TEX9: variants seen among roughly 807,000 people sequenced by gnomAD.
TEX9 encodes testis expressed 9, also known as testis-expressed protein 9.
Under a neutral mutation model 59.6 loss-of-function variants are expected in TEX9, and 74 were observed. The observed-to-expected ratio is 1.24, with a 90% CI of 1.03 to 1.51. The LOEUF (loss-of-function observed/expected upper bound fraction) is 1.51, where lower values mean the gene tolerates loss of function less well. Among genes scored for constraint, TEX9 ranks in the 40% most tolerant of loss-of-function variants. The pLI, the probability that TEX9 is intolerant of heterozygous loss-of-function variation, is 0.00. For synonymous variants in TEX9, 186 were observed against 152.2 expected, an observed-to-expected ratio of 1.22 and a Z score of -1.64; for missense variants, 522 against 447.8, an observed-to-expected ratio of 1.17 and a Z score of -1.49.
At chr15:56,374,893 G>T (rs1458576233) in intron 3 of TEX9, among the ~76,000 whole-genome samples, 1 of 152,044 alleles carries the variant, frequency 6.6e-6, no homozygotes, top group Non-Finnish European at 1.5e-5. Flanking sequence ...TATTTTTTAT[G>T]GCTGAATAGT....
At chr15:56,255,896 A>C (rs907032236) in intron 1 of TEX9, among the ~76,000 whole-genome samples, 1 of 152,080 alleles carries the variant, frequency 6.6e-6, no homozygotes, top group Non-Finnish European at 1.5e-5. Flanking sequence ...TTGTATGAAT[A>C]AACAGTGAAT....
In TEX9 at chr15:56,443,687, A is replaced by T. The variant is rs748769747; in HGVS notation, c.*30-1984A>T. On this transcript the variant is annotated intron_variant, in intron 12 of 12. Coordinates refer to ENST00000352903, the Ensembl canonical transcript of TEX9. ...CTCCTCATTTTCTTGAACTTTTGCCATCCGATCTTCTTCTCTTTGCTGCTG... is the reference window on the plus strand; with the variant it reads ...CTCCTCATTTTCTTGAACTTTTGCCTTCCGATCTTCTTCTCTTTGCTGCTG... The T allele has an allele frequency of 1.7e-5, 27 of 1,613,378 alleles. 1 individual carries two copies. Among genetic ancestry groups the T allele is most frequent in the Admixed American group, 6.7e-5 (4 of 59,982 alleles).
chr15:56,264,012 A>T (rs2044325016), intron 1 of TEX9, among the ~76,000 whole-genome samples: 1 of 152,194 alleles, frequency 6.6e-6, no homozygotes, highest in South Asian at 2.1e-4. Context: ...GCTTGTTACC[A>T]GTCTTTGGTG....
intron 1 of TEX9, among the ~76,000 whole-genome samples, chr15:56,353,552 C>G (rs2046626203): frequency 6.6e-6 from 1 of 151,890 alleles, no homozygotes; most frequent in Non-Finnish European, 1.5e-5. Flanking sequence ...TAAAAGGAAT[C>G]AAATAATATT....
chr15:56,316,708 C>A (rs370932113), intron 1 of TEX9, among the ~76,000 whole-genome samples: 1 of 152,176 alleles, frequency 6.6e-6, no homozygotes, highest in Non-Finnish European at 1.5e-5. Flanking sequence ...GCTTTGTTTA[C>A]CTAATCAAGC....
the TEX9 span, among the ~76,000 whole-genome samples, chr15:56,460,007 A>ATATATATATATAT: frequency 2.2e-4 from 6 of 27,608 alleles, no homozygotes; most frequent in African/African-American, 4.0e-4. Context: ...AAAAAAAAAA[A>ATATATATATATAT]AAATACATAT....
chr15:56,384,316 C>T (rs979094703), intron 4 of TEX9, among the ~76,000 whole-genome samples: 18 of 152,108 alleles, frequency 1.2e-4, no homozygotes, highest in African/African-American at 3.1e-4. Context: ...TTGTAGCAGA[C>T]GGAATGATGA....
intron 12 of TEX9, among the ~76,000 whole-genome samples, chr15:56,435,571 G>C (rs1043312653): frequency 3.9e-5 from 6 of 151,972 alleles, no homozygotes; most frequent in African/African-American, 1.4e-4. Flanking sequence ...TGGCAACTTA[G>C]ATGAAATGGA....
At chr15:56,365,166 G>C (rs1438664198), upstream of TEX9, among the ~76,000 whole-genome samples, 3 of 152,204 alleles carry the variant, frequency 2.0e-5, no homozygotes, top group Admixed American at 6.5e-5. Context: ...CTATAGAGTA[G>C]CGGCAAAGGA....
chr15:56,267,320 T>C (rs1372944032), intron 1 of TEX9, among the ~76,000 whole-genome samples: 1 of 152,222 alleles, frequency 6.6e-6, no homozygotes, highest in African/African-American at 2.4e-5. Context: ...GTGCAGAAGC[T>C]CTTTAGTTTA....
chr15:56,299,051 A>T (rs187923824), intron 1 of TEX9, among the ~76,000 whole-genome samples: 4 of 152,354 alleles, frequency 2.6e-5, no homozygotes, highest in Non-Finnish European at 4.4e-5. Context: ...AAGCACCTTC[A>T]TAAGAGCCAA....
chr15:56,291,708 C>T (rs1046864959), intron 1 of TEX9, among the ~76,000 whole-genome samples: 1 of 152,106 alleles, frequency 6.6e-6, no homozygotes, highest in African/African-American at 2.4e-5. Context: ...TTCCCCACTC[C>T]CCCCAACTTC....
intron 12 of TEX9, chr15:56,443,719 A>G: frequency 6.2e-7 from 1 of 1,613,304 alleles, no homozygotes; most frequent in Non-Finnish European, 8.5e-7. Flanking sequence ...GCTGCATGTT[A>G]GCAAACTCTA....
chr15:56,415,915 T>G lies in TEX9; in HGVS notation c.963+3479T>G, dbSNP rs531403717. Among the ~76,000 whole-genome samples the G allele has an allele frequency of 7.2e-5, 11 of 151,934 alleles. No homozygotes were observed. The East Asian group carries it at 2.1e-3, about 29-fold the overall frequency. ...TTTTCTCTGATTTCTTTGAGCAGTG[T>G]TTCGTAATTCTCATTGTAGAGATCT... On this transcript the variant is annotated intron_variant, in intron 10 of 12. Coordinates refer to ENST00000352903, the Ensembl canonical transcript of TEX9.
chr15:56,363,393 T>C (rs2046827589), upstream of TEX9, among the ~76,000 whole-genome samples: 1 of 151,882 alleles, frequency 6.6e-6, no homozygotes, highest in Non-Finnish European at 1.5e-5. Context: ...GGTCTCAAAC[T>C]CTTGACCTCT....
chr15:56,429,117 A>T (rs1197354522), intron 12 of TEX9: 1 of 1,594,514 alleles, frequency 6.3e-7, no homozygotes, highest in Non-Finnish European at 8.5e-7. Context: ...CTCTTCACAA[A>T]TTTCACTCCT....
chr15:56,347,251 T>A (rs1460562016), intron 1 of TEX9, among the ~76,000 whole-genome samples: 9 of 151,996 alleles, frequency 5.9e-5, no homozygotes, highest in African/African-American at 1.9e-4. Context: ...TGAATGAAAA[T>A]CCAGGGGAAC....
rs919639124 is a variant in TEX9 at position 56,253,443 on chromosome 15, T to C, written c.-107+9165T>C. On this transcript the variant is annotated intron_variant, in intron 1 of 5. Transcript: ENST00000560827. ...AAGAACGGAAGGTCTTCATAATCAGTTGGAAAATCTTACACAATATTTATA... is the reference window on the plus strand; with the variant it reads ...AAGAACGGAAGGTCTTCATAATCAGCTGGAAAATCTTACACAATATTTATA... Among the ~76,000 whole-genome samples, 14 of 152,196 alleles carry C rather than the reference T, an allele frequency of 9.2e-5. 1 individual carries two copies. Among genetic ancestry groups the C allele is most frequent in the Admixed American group, 6.5e-4 (10 of 15,278 alleles).
chr15:56,365,343 A>T, upstream of TEX9: 1 of 1,424,864 alleles, frequency 7.0e-7, no homozygotes, highest in East Asian at 2.5e-5. Context: ...GCAGCACAGA[A>T]CCTGAGAGTG....
Sources: allele counts gnomAD v4.1 joint callset (sites outside exome capture counted in the v4.1 genomes callset), GRCh38; gene constraint gnomAD v4.1.1; transcripts MANE v1.5; gene names NCBI Gene and HGNC (gene_info 2026-07-23, HGNC 2026-07-21).